KCNAB2: variants seen among roughly 807,000 people sequenced by gnomAD.
The protein encoded by KCNAB2 is voltage-gated potassium channel subunit beta-2.
KCNAB2 carries 29 observed loss-of-function variants against 63.6 expected under a neutral mutation model. The ratio of observed to expected loss-of-function variants is 0.46; its 90% CI spans 0.34 to 0.62. KCNAB2 has a LOEUF of 0.62. Among genes scored for constraint, KCNAB2 ranks in the 20% least tolerant of loss-of-function variants. The probability of loss-of-function intolerance (pLI) is 0.01; values close to 1 mark genes in which losing one functional copy is unlikely to be tolerated. For missense variants in KCNAB2, 359 were observed against 563.9 expected (o/e 0.64, Z 3.68); for synonymous variants, 222 against 224.2 (o/e 0.99, Z 0.09).
In KCNAB2 at chr1:6,082,259, T is replaced by A. The variant is rs1178991333; in HGVS notation, c.365T>A (p.Val122Asp). 1 of 1,613,126 alleles carries A rather than the reference T, an allele frequency of 6.2e-7. No individual in the cohort carries two copies. The highest frequency in any genetic ancestry group is 8.5e-7 in the Non-Finnish European group (1 of 1,179,540). Residue 122 changes from valine to aspartate, a missense_variant, in exon 5 of 16, where the codon GTC becomes GAC. This residue lies in a region of KCNAB2 where 271 missense variants were observed against 476.1 expected (regional missense o/e 0.57). Coordinates refer to ENST00000378083, the MANE Select transcript of KCNAB2 (RefSeq NM_001199862.2). Reference sequence around the variant, plus strand: ...ATCAACCTCTTCGATACAGCAGAAGTCTACGCAGCCGGCAAGTACGTGTCT... The same window carrying A: ...ATCAACCTCTTCGATACAGCAGAAGACTACGCAGCCGGCAAGTACGTGTCT... ...NGINLFDTAE[V>D]YAAGKAEVVL...
Position 6,097,606 on chromosome 1 carries a change from T to C in KCNAB2, c.1158+249T>C, listed in dbSNP as rs1457947438. 4 of 658,216 alleles carry C rather than the reference T, an allele frequency of 6.1e-6. No individual in the cohort carries two copies. In the African/African-American group the frequency reaches 7.3e-5, roughly 12 times the overall value. 40.8% of individuals were successfully genotyped at this position (658,216 alleles called of 1,614,324 possible). On this transcript the variant is annotated intron_variant, in intron 15 of 15. Coordinates refer to ENST00000378083, the MANE Select transcript of KCNAB2 (RefSeq NM_001199862.2). Reference sequence around the variant, plus strand: ...AGCGCTGTAGGAGAGAAGCCAGAGATAAAGGGAGGGAGCTGGGGCCAGGGA... The same window carrying C: ...AGCGCTGTAGGAGAGAAGCCAGAGACAAAGGGAGGGAGCTGGGGCCAGGGA...
intron 2 of KCNAB2, among the ~76,000 whole-genome samples, chr1:6,060,352 G>A (rs577597510): frequency 6.6e-6 from 1 of 152,324 alleles, no homozygotes; most frequent in East Asian, 1.9e-4. Flanking sequence ...ACAGCACTTA[G>A]CCCCTATGGG....
In KCNAB2 at chr1:6,078,675, G is replaced by C. The variant is rs1024086848; in HGVS notation, c.301-3520G>C. On this transcript the variant is annotated intron_variant, in intron 4 of 15. Coordinates refer to ENST00000378083, the MANE Select transcript of KCNAB2 (RefSeq NM_001199862.2). The surrounding 1 kb of genome is among the most constrained non-coding windows in gnomAD (Gnocchi z 4.2). Reference sequence around the variant, plus strand: ...AGATGGAAGCCCCTGGAGGGCTTTTGCATGGAGGAAATTTGACCTGATTTA... The same window carrying C: ...AGATGGAAGCCCCTGGAGGGCTTTTCCATGGAGGAAATTTGACCTGATTTA... 9.9e-5 allele frequency among the ~76,000 whole-genome samples: 15 copies of C among 152,158 alleles called. No homozygotes were observed. Among genetic ancestry groups the C allele is most frequent in the African/African-American group, 2.9e-4 (12 of 41,440 alleles).
At chr1:6,000,113 C>T (rs1274389224) in intron 1 of KCNAB2, among the ~76,000 whole-genome samples, 1 of 152,162 alleles carries the variant, frequency 6.6e-6, no homozygotes, top group Non-Finnish European at 1.5e-5. Context: ...CTCTGCACGC[C>T]CTACCTGTGC....
chr1:6,051,717 G>A lies in KCNAB2; in HGVS notation c.181G>A (p.Asp61Asn), dbSNP rs1408262228. ...CCTCCGCATGCACGGCCTTTCCCTG[G>A]ACGGCTGCACCGCCCAGCGCACAGG... ...SFLRMHGLSL[D>N]GCTAQRTGMK... The change falls in exon 2 of 16, where the codon GAC becomes AAC. Residue 61 changes from aspartate to asparagine, a missense_variant. This residue lies in a region of KCNAB2 where 88 missense variants were observed against 87.8 expected (regional missense o/e 1.00). Transcript: ENST00000378083. 6.5e-7 allele frequency: 1 copy of A among 1,533,688 alleles called. No homozygotes were observed. Among genetic ancestry groups the A allele is most frequent in the East Asian group, 2.4e-5 (1 of 40,924 alleles).
At chr1:6,005,450 G>A (rs1382031702) in intron 1 of KCNAB2, among the ~76,000 whole-genome samples, 1 of 150,254 alleles carries the variant, frequency 6.7e-6, no homozygotes, top group Non-Finnish European at 1.5e-5. Flanking sequence ...GAGCTGAGGG[G>A]TGAGGGTGGA....
intron 1 of KCNAB2, among the ~76,000 whole-genome samples, chr1:6,000,279 G>A (rs1241839062): frequency 2.0e-5 from 3 of 152,220 alleles, no homozygotes; most frequent in Non-Finnish European, 4.4e-5. Context: ...ACAAGGCCCG[G>A]AGCCATGTTG....
intron 15 of KCNAB2, chr1:6,098,115 C>G (rs1280903933): frequency 2.0e-6 from 2 of 1,007,128 alleles, no homozygotes; most frequent in Non-Finnish European, 2.4e-6. Flanking sequence ...CCGGGTGTGT[C>G]ACCCGGAAGG....
rs867982199 is a variant in KCNAB2, at chr1:6,071,849, G to T, written c.219-906G>T. Among the ~76,000 whole-genome samples, 298 of 150,414 alleles carry T rather than the reference G, an allele frequency of 2.0e-3. No homozygotes were observed. The highest frequency in any genetic ancestry group is 7.0e-3 in the African/African-American group (285 of 40,968). On this transcript the variant is annotated intron_variant, in intron 2 of 15. Transcript: ENST00000378083. This position sits in a 1 kb window ranked among gnomAD's most constrained non-coding sequence, Gnocchi z 8.5. ...TGCCGCATAGGGCACCTCCTGCCGC[G>T]AGGGCACCTCCTGCCGCGTGGGCTC...
At position 6,003,409 on chromosome 1, in the gene KCNAB2, G is replaced by T. The variant is rs961669396; in HGVS notation, c.-53+10621G>T. Among the ~76,000 whole-genome samples, 2 of 152,210 alleles carry T rather than the reference G, an allele frequency of 1.3e-5. No homozygotes were observed. Among genetic ancestry groups the T allele is most frequent in the African/African-American group, 2.4e-5 (1 of 41,456 alleles). ...TTCCTCCCCACTCGCTCGCTCGGCT[G>T]CCTTCAGCCCCTGCAGACACGCAGG... On this transcript the variant is annotated intron_variant, in intron 1 of 16. Transcript: ENST00000341524. This position sits in a 1 kb window ranked among gnomAD's most constrained non-coding sequence, Gnocchi z 4.1.
chr1:6,092,507 C>T (rs1024984459), intron 10 of KCNAB2, among the ~76,000 whole-genome samples: 4 of 152,356 alleles, frequency 2.6e-5, no homozygotes, highest in African/African-American at 9.6e-5. Flanking sequence ...TGGCTTCCCT[C>T]TGTCTGGCAT....
chr1:6,010,372 A>T (rs1658081702), intron 1 of KCNAB2, among the ~76,000 whole-genome samples: 1 of 152,160 alleles, frequency 6.6e-6, no homozygotes, highest in South Asian at 2.1e-4. Context: ...AGGCAGGAGG[A>T]TCTCTTGAAC....
chr1:6,053,706 A>T (rs562703702), intron 2 of KCNAB2, among the ~76,000 whole-genome samples: 20 of 152,120 alleles, frequency 1.3e-4, no homozygotes, highest in Non-Finnish European at 2.9e-4. Flanking sequence ...GCTCTCTCCT[A>T]TGTGGACAGG....
intron 2 of KCNAB2, among the ~76,000 whole-genome samples, chr1:6,060,390 C>G (rs1441790590): frequency 6.6e-6 from 1 of 152,198 alleles, no homozygotes; most frequent in Admixed American, 6.5e-5. Flanking sequence ...TCCTGGTGGA[C>G]TCCTCCTCCA....
intron 5 of KCNAB2, among the ~76,000 whole-genome samples, chr1:6,084,731 G>A (rs1440858021): frequency 9.9e-5 from 15 of 151,200 alleles, no homozygotes; most frequent in African/African-American, 3.4e-4. Context: ...CAGGAGAACT[G>A]CTTGAACCCA....
chr1:5,999,900 C>T (rs1196802492), intron 1 of KCNAB2, among the ~76,000 whole-genome samples: 3 of 151,268 alleles, frequency 2.0e-5, no homozygotes, highest in Non-Finnish European at 4.4e-5. Context: ...CTGTCTGTGT[C>T]GTCTGTGCCC....
chr1:6,005,891 C>A (rs998320484), intron 1 of KCNAB2, among the ~76,000 whole-genome samples: 1 of 148,646 alleles, frequency 6.7e-6, no homozygotes. Flanking sequence ...CTGATCCATT[C>A]CACCCTCACC....
At position 6,035,113 on chromosome 1, in the gene KCNAB2, G is replaced by T. The variant is rs1307991017; in HGVS notation, c.-53+319G>T. On this transcript the variant is annotated intron_variant, in intron 1 of 15. Coordinates refer to the KCNAB2 transcript ENST00000164247. The surrounding 1 kb of genome is among the most constrained non-coding windows in gnomAD (Gnocchi z 5.0). ...GCAAACGTGGGAGCATGCTCAGGCA[G>T]ACCACGGTGGTCAGAAGTTGAATTC... is the stretch of plus-strand genomic sequence containing the variant. Among the ~76,000 whole-genome samples, 5 of 152,152 alleles carry T rather than the reference G, an allele frequency of 3.3e-5. 1 individual carries two copies. The highest frequency in any genetic ancestry group is 7.3e-5 in the Non-Finnish European group (5 of 68,030).
intron 1 of KCNAB2, among the ~76,000 whole-genome samples, chr1:6,004,261 G>T (rs1413346227): frequency 6.7e-6 from 1 of 150,158 alleles, no homozygotes; most frequent in Non-Finnish European, 1.5e-5. Context: ...CGATCTTGCT[G>T]TGTTACCGAG....
Sources: allele counts gnomAD v4.1 joint callset (sites outside exome capture counted in the v4.1 genomes callset), GRCh38; gene constraint gnomAD v4.1.1; regional missense constraint gnomAD v4.1.1; non-coding constraint Gnocchi (gnomAD v3.1); transcripts MANE v1.5; gene names NCBI Gene and HGNC (gene_info 2026-07-23, HGNC 2026-07-21).